Variants in SLC30A7 observed in about 807,000 individuals in gnomAD.
SLC30A7 encodes zinc transporter 7.
SLC30A7 carries 35 observed loss-of-function variants against 46.0 expected under a neutral mutation model. That is an observed-to-expected ratio of 0.76 (90% CI 0.58 to 1.01). The LOEUF (loss-of-function observed/expected upper bound fraction) is 1.01, where lower values mean the gene tolerates loss of function less well. SLC30A7 is among the 50% of genes least tolerant of loss of function. The pLI is 0.00. For synonymous variants in SLC30A7, 147 were observed against 157.8 expected (o/e 0.93, Z 0.51); for missense variants, 464 against 451.1 (o/e 1.03, Z -0.26).
chr1:100,952,012 A>T (rs1382419970), intron 8 of SLC30A7, among the ~76,000 whole-genome samples: 1 of 152,234 alleles, frequency 6.6e-6, no homozygotes, highest in Non-Finnish European at 1.5e-5. Flanking sequence ...TGAAGAGGCT[A>T]TGCTGCTGGC....
At chr1:100,907,251 G>A (rs1278703222) in intron 3 of SLC30A7, among the ~76,000 whole-genome samples, 2 of 152,048 alleles carry the variant, frequency 1.3e-5, no homozygotes, top group Non-Finnish European at 2.9e-5. Context: ...GAAAGTTTTA[G>A]TATATGAAAA....
At chr1:100,901,147 A>C (rs1651284342) in intron 2 of SLC30A7, among the ~76,000 whole-genome samples, 1 of 152,238 alleles carries the variant, frequency 6.6e-6, no homozygotes, top group African/African-American at 2.4e-5. Context: ...TCACCCATGA[A>C]AATTAATGAC....
intron 8 of SLC30A7, among the ~76,000 whole-genome samples, chr1:100,949,152 T>C (rs1654814115): frequency 6.6e-6 from 1 of 152,216 alleles, no homozygotes; most frequent in South Asian, 2.1e-4. Context: ...TCTCCCCATC[T>C]TGTGGTTTTA....
At chr1:100,983,218 ACAG>A (rs889237794), downstream of SLC30A7, among the ~76,000 whole-genome samples, 5 of 152,144 alleles carry the variant, frequency 3.3e-5, no homozygotes, top group Admixed American at 2.0e-4. Context: ...GAGCAAAAAA[ACAG>A]CAGAGACAAG....
chr1:100,936,639 G>C (rs1186765872), intron 8 of SLC30A7, among the ~76,000 whole-genome samples: 3 of 152,132 alleles, frequency 2.0e-5, no homozygotes, highest in Non-Finnish European at 2.9e-5. Flanking sequence ...ATACAGTTCA[G>C]TGGCATTAAG....
the SLC30A7 span, among the ~76,000 whole-genome samples, chr1:100,991,958 G>T: frequency 1.3e-5 from 2 of 150,992 alleles, no homozygotes; most frequent in Admixed American, 6.6e-5. Flanking sequence ...AACACACAAA[G>T]AAATTAGCTG....
At chr1:100,935,085 G>A (rs1653873195) in intron 8 of SLC30A7, among the ~76,000 whole-genome samples, 1 of 152,128 alleles carries the variant, frequency 6.6e-6, no homozygotes, top group Non-Finnish European at 1.5e-5. Context: ...TTTAATATAT[G>A]CTAATCAAAG....
rs866078249 is a variant in SLC30A7, at chr1:100,932,431, A to C, written c.842+10590A>C. 6.6e-5 allele frequency among the ~76,000 whole-genome samples: 10 copies of C among 152,228 alleles called. 1 individual carries two copies. The Middle Eastern group carries it at 0.034, about 518-fold the overall frequency. ...CTCTGTCTCAAAAATAAATAAATAA[A>C]TAGGAAACTGCTTAATATGGCCTCT... On this transcript the variant is annotated intron_variant, in intron 8 of 10. Coordinates refer to ENST00000357650, the MANE Select transcript of SLC30A7 (RefSeq NM_133496.5).
intron 8 of SLC30A7, among the ~76,000 whole-genome samples, chr1:100,934,021 A>C (rs1277351997): frequency 6.6e-6 from 1 of 152,242 alleles, no homozygotes; most frequent in African/African-American, 2.4e-5. Flanking sequence ...ATACCAGTAC[A>C]TGAGCATAGG....
intron 6 of SLC30A7, among the ~76,000 whole-genome samples, chr1:100,914,271 T>G (rs1652328300): frequency 1.3e-5 from 2 of 152,216 alleles, no homozygotes; most frequent in South Asian, 4.1e-4. Context: ...GTCACTCTGT[T>G]GTGCTAGCAA....
chr1:100,975,730 G>T lies in SLC30A7; in HGVS notation c.*873G>T, dbSNP rs888501794. 2 of 151,454 alleles carry T rather than the reference G, an allele frequency of 1.3e-5. No individual in the cohort carries two copies. The highest frequency in any genetic ancestry group is 2.4e-5 in the African/African-American group (1 of 41,072). 9.4% of individuals were successfully genotyped at this position (151,454 alleles called of 1,614,324 possible). A position where few individuals can be genotyped will look rare whatever the true frequency, so the allele number is the denominator to read the frequency against. On this transcript the variant is annotated 3_prime_UTR_variant, in exon 11 of 11. Transcript: ENST00000357650. ...TTTAGTAGAGATGGGGTTTCACCAT[G>T]TTGGCCAGGATGGTCTTGATCTCTT...
chr1:100,923,821 G>A (rs749135273), intron 8 of SLC30A7, among the ~76,000 whole-genome samples: 6 of 152,116 alleles, frequency 3.9e-5, no homozygotes, highest in Non-Finnish European at 7.4e-5. Flanking sequence ...AGTTTGAAAT[G>A]CCTTTTCTTC....
At chr1:100,943,385 C>T (rs1439411762) in intron 8 of SLC30A7, among the ~76,000 whole-genome samples, 3 of 152,194 alleles carry the variant, frequency 2.0e-5, no homozygotes, top group Non-Finnish European at 2.9e-5. Flanking sequence ...GATAGAGCTT[C>T]CATGTCATTT....
At chr1:100,954,226 G>A (rs1008363004) in intron 8 of SLC30A7, among the ~76,000 whole-genome samples, 1 of 152,146 alleles carries the variant, frequency 6.6e-6, no homozygotes. Context: ...AGATACTGCA[G>A]TGTGTGCAGA....
At chr1:100,912,833 A>G (rs1459611082) in intron 5 of SLC30A7, among the ~76,000 whole-genome samples, 4 of 151,714 alleles carry the variant, frequency 2.6e-5, no homozygotes, top group Non-Finnish European at 1.5e-5. Context: ...AGCCGAGATC[A>G]TGCCACTGCA....
chr1:100,933,583 C>T (rs1392711932), intron 8 of SLC30A7, among the ~76,000 whole-genome samples: 2 of 152,076 alleles, frequency 1.3e-5, no homozygotes, highest in Non-Finnish European at 2.9e-5. Flanking sequence ...CACTCTACTA[C>T]AGGCCCCAGT....
chr1:100,959,575 T>C (rs1309671019), intron 8 of SLC30A7, among the ~76,000 whole-genome samples: 1 of 152,242 alleles, frequency 6.6e-6, no homozygotes, highest in East Asian at 1.9e-4. Flanking sequence ...GTCTGTCTAG[T>C]ATTTCTCAAG....
At chr1:100,921,324 G>A (rs1268949750) in intron 7 of SLC30A7, among the ~76,000 whole-genome samples, 1 of 152,086 alleles carries the variant, frequency 6.6e-6, no homozygotes, top group East Asian at 1.9e-4. Context: ...AGTTAAAAAT[G>A]TTTTCTTGAC....
chr1:100,956,539 ATGTT>A (rs1178373075), intron 8 of SLC30A7, among the ~76,000 whole-genome samples: 1 of 152,200 alleles, frequency 6.6e-6, no homozygotes, highest in Non-Finnish European at 1.5e-5. Context: ...AATGTCTTTA[ATGTT>A]TTAAGGCTGA....
Sources: gnomAD v4.1 joint callset for allele counts (sites outside exome capture counted in the v4.1 genomes callset) on GRCh38, gnomAD v4.1.1 for gene constraint, MANE v1.5 for transcripts, NCBI Gene and HGNC (gene_info 2026-07-23, HGNC 2026-07-21) for gene names.